The following HS1BP3 variants were observed in gnomAD, a reference collection of about 807,000 sequenced individuals.
The protein encoded by HS1BP3 is HCLS1-binding protein 3.
A neutral mutation model predicts 33.5 loss-of-function variants in HS1BP3; 32 were observed. The observed-to-expected ratio is 0.95, with a 90% CI of 0.72 to 1.28. The LOEUF (loss-of-function observed/expected upper bound fraction) is 1.28. HS1BP3 is among the 50% of genes most tolerant of loss of function. HS1BP3 has a pLI of 0.00. For missense variants in HS1BP3, 486 were observed against 502.3 expected (o/e 0.97, Z 0.31); for synonymous variants, 187 against 209.2 (o/e 0.89, Z 0.92).
the HS1BP3 span, among the ~76,000 whole-genome samples, chr2:20,554,697 T>G: frequency 8.7e-6 from 1 of 114,604 alleles, no homozygotes; most frequent in Non-Finnish European, 1.7e-5. Flanking sequence ...AGAGTGAAAC[T>G]CCACCTCACA....
chr2:20,569,063 A>C (rs776102510), intron 5 of HS1BP3, among the ~76,000 whole-genome samples: 6 of 152,132 alleles, frequency 3.9e-5, no homozygotes, highest in Non-Finnish European at 5.9e-5. Context: ...CATGATCAGC[A>C]GGACTGACAG....
intron 5 of HS1BP3, among the ~76,000 whole-genome samples, chr2:20,581,645 C>CA: frequency 6.6e-6 from 1 of 152,346 alleles, no homozygotes; most frequent in South Asian, 2.1e-4. Context: ...CCACCGCACC[C>CA]AGCCAACACA....
the HS1BP3 span, among the ~76,000 whole-genome samples, chr2:20,554,346 A>T: frequency 6.6e-6 from 1 of 152,160 alleles, no homozygotes; most frequent in Non-Finnish European, 1.5e-5. Context: ...CGCTCCTAAC[A>T]CACATTCATG....
chr2:20,574,701 G>A (rs1303424455), intron 5 of HS1BP3, among the ~76,000 whole-genome samples: 1 of 152,208 alleles, frequency 6.6e-6, no homozygotes, highest in Admixed American at 6.5e-5. Flanking sequence ...GCTTCCCCCA[G>A]CAGCACCCGG....
intron 5 of HS1BP3, among the ~76,000 whole-genome samples, chr2:20,570,674 G>C (rs1693244788): frequency 6.6e-6 from 1 of 152,226 alleles, no homozygotes; most frequent in African/African-American, 2.4e-5. Flanking sequence ...TGGTTCCCAA[G>C]AACTGCCCAA....
Position 20,622,544 on chromosome 2 carries a change from C to G in HS1BP3, c.920+1352G>C, listed in dbSNP as rs377228752. 30 of 345,790 alleles carry G rather than the reference C, an allele frequency of 8.7e-5. 1 individual carries two copies. The highest frequency in any genetic ancestry group is 6.4e-4 in the Admixed American group (17 of 26,766). The allele number at this position is 345,790 out of a possible 1,614,324, so 21.4% of individuals were successfully genotyped here. ...AGCCCTGCTTTTTGTGGCATTTCCCCAATTCATCAGCCACAGAGCCCCTTT... is the reference window on the plus strand; with the variant it reads ...AGCCCTGCTTTTTGTGGCATTTCCCGAATTCATCAGCCACAGAGCCCCTTT... On this transcript the variant is annotated intron_variant, in intron 6 of 6. Coordinates refer to ENST00000304031, the MANE Select transcript of HS1BP3 (RefSeq NM_022460.4).
At chr2:20,601,563 T>G (rs1309351691) in intron 2 of HS1BP3, among the ~76,000 whole-genome samples, 1 of 152,146 alleles carries the variant, frequency 6.6e-6, no homozygotes, top group African/African-American at 2.4e-5. Flanking sequence ...TCCTGTGCTG[T>G]TCTCGTGGTT....
At chr2:20,648,060 C>A (rs1210768980) in intron 1 of HS1BP3, among the ~76,000 whole-genome samples, 1 of 152,196 alleles carries the variant, frequency 6.6e-6, no homozygotes, top group Non-Finnish European at 1.5e-5. Context: ...CTAAGGCCAA[C>A]CTTCTACCAG....
At chr2:20,609,747 G>A (rs1203712857) in intron 2 of HS1BP3, among the ~76,000 whole-genome samples, 2 of 152,226 alleles carry the variant, frequency 1.3e-5, no homozygotes, top group African/African-American at 4.8e-5. Flanking sequence ...AGGCCAGTTG[G>A]TGCCAGGACT....
At chr2:20,612,264 A>G (rs770105475) in intron 2 of HS1BP3, among the ~76,000 whole-genome samples, 18 of 152,196 alleles carry the variant, frequency 1.2e-4, no homozygotes, top group South Asian at 6.2e-4. Flanking sequence ...TCTGCTGCCT[A>G]TGGATTTGTT....
At chr2:20,631,664 G>A (rs903566261) in intron 4 of HS1BP3, among the ~76,000 whole-genome samples, 3 of 151,528 alleles carry the variant, frequency 2.0e-5, no homozygotes, top group African/African-American at 7.3e-5. Flanking sequence ...TGGCCACTGA[G>A]CCCTATCTTG....
At chr2:20,630,793 G>C (rs1381318033) in intron 4 of HS1BP3, among the ~76,000 whole-genome samples, 2 of 152,208 alleles carry the variant, frequency 1.3e-5, no homozygotes, top group Non-Finnish European at 2.9e-5. Context: ...AGTCACAAAA[G>C]CTGTGCTCCG....
At chr2:20,628,946 A>C (rs1694880779) in intron 4 of HS1BP3, among the ~76,000 whole-genome samples, 1 of 152,172 alleles carries the variant, frequency 6.6e-6, no homozygotes, top group Non-Finnish European at 1.5e-5. Context: ...GCTGAGAGTC[A>C]GTTCTTTCCA....
At chr2:20,587,531 G>A (rs775416077) in intron 5 of HS1BP3, among the ~76,000 whole-genome samples, 1 of 152,186 alleles carries the variant, frequency 6.6e-6, no homozygotes, top group Non-Finnish European at 1.5e-5. Flanking sequence ...GAGGGCAAGA[G>A]AGCAGGATGT....
rs567611960 is a variant in HS1BP3, at chr2:20,611,462, A to C, written c.178+12434T>G. ...CTCTCCACTTGACCACATCGTGCGCAAAGTTCAGGGACCAGGAGAGGGAAA... is the reference window on the plus strand; with the variant it reads ...CTCTCCACTTGACCACATCGTGCGCCAAGTTCAGGGACCAGGAGAGGGAAA... On this transcript the variant is annotated intron_variant, in intron 2 of 3. Coordinates refer to the HS1BP3 transcript ENST00000415264. The surrounding 1 kb of genome is among the most constrained non-coding windows in gnomAD (Gnocchi z 4.9). Among the ~76,000 whole-genome samples the C allele has an allele frequency of 6.6e-6, 1 of 152,306 alleles. No homozygotes were observed. The highest frequency in any genetic ancestry group is 2.1e-4 in the South Asian group (1 of 4,824).
chr2:20,606,805 T>TTA (rs1331755797), intron 2 of HS1BP3, among the ~76,000 whole-genome samples: 5 of 152,142 alleles, frequency 3.3e-5, no homozygotes, highest in African/African-American at 1.2e-4. Flanking sequence ...TTAAATTGGG[T>TTA]TATTTGTTGT....
intron 1 of HS1BP3, among the ~76,000 whole-genome samples, chr2:20,646,590 TC>T (rs1467005103): frequency 2.0e-5 from 3 of 152,200 alleles, no homozygotes; most frequent in African/African-American, 7.2e-5. Flanking sequence ...ACAAGGAATA[TC>T]CTCCCGCGGC....
chr2:20,603,861 G>A (rs1432156785), intron 2 of HS1BP3, among the ~76,000 whole-genome samples: 3 of 152,300 alleles, frequency 2.0e-5, no homozygotes, highest in Middle Eastern at 3.4e-3. Context: ...TTCTAACTCC[G>A]GCTCAGCCGC....
intron 4 of HS1BP3, among the ~76,000 whole-genome samples, chr2:20,627,084 T>C (rs1694808986): frequency 6.6e-6 from 1 of 152,220 alleles, no homozygotes; most frequent in South Asian, 2.1e-4. Flanking sequence ...GCAGCCACTG[T>C]TCTGCCCGAT....
Sources: gnomAD v4.1 joint callset for allele counts (sites outside exome capture counted in the v4.1 genomes callset) on GRCh38, gnomAD v4.1.1 for gene constraint, Gnocchi (gnomAD v3.1) non-coding constraint, MANE v1.5 for transcripts, NCBI Gene and HGNC (gene_info 2026-07-23, HGNC 2026-07-21) for gene names.